The following TVP23C variants were observed in gnomAD, a reference collection of about 807,000 sequenced individuals.
TVP23C encodes the protein trans-golgi network vesicle protein 23 homolog C, also known as Golgi apparatus membrane protein TVP23 homolog C.
In TVP23C, 19 loss-of-function variants were observed where a neutral mutation model predicts 28.7. The ratio of observed to expected loss-of-function variants is 0.66; its 90% CI spans 0.46 to 0.97. The LOEUF is 0.97. Among genes scored for constraint, TVP23C ranks in the 50% least tolerant of loss-of-function variants. The pLI, the probability that TVP23C is intolerant of heterozygous loss-of-function variation, is 0.00. For missense variants in TVP23C, 186 were observed against 241.3 expected (o/e 0.77, Z 1.52); for synonymous variants, 68 against 81.7 (o/e 0.83, Z 0.90).
chr17:15,523,413 C>T lies in TVP23C; in HGVS notation c.463-20181G>A, dbSNP rs574106940. Reference sequence around the variant, plus strand: ...GCAACCTCTGCCTCCCAGGTTCAAGCGATTCTCCCGCCTCAGCCTCCCAAG... The same window carrying T: ...GCAACCTCTGCCTCCCAGGTTCAAGTGATTCTCCCGCCTCAGCCTCCCAAG... On this transcript the variant is annotated intron_variant, in intron 5 of 5. Transcript: ENST00000225576. 1.4e-3 allele frequency among the ~76,000 whole-genome samples: 219 copies of T among 151,850 alleles called. 2 individuals are homozygous for T. Among genetic ancestry groups the T allele is most frequent in the African/African-American group, 4.9e-3 (202 of 41,390 alleles).
At chr17:15,505,404 CT>C (rs1340361098) in intron 5 of TVP23C, among the ~76,000 whole-genome samples, 1 of 152,202 alleles carries the variant, frequency 6.6e-6, no homozygotes, top group Non-Finnish European at 1.5e-5. Context: ...AGCACAGATT[CT>C]AGATCGAGAC....
chr17:15,534,683 C>T (rs968829518), downstream of TVP23C, among the ~76,000 whole-genome samples: 4 of 151,418 alleles, frequency 2.6e-5, no homozygotes, highest in Non-Finnish European at 4.4e-5. Flanking sequence ...TGTGATTTTA[C>T]TAGGGCCAGG....
chr17:15,539,556 T>C lies in TVP23C; in HGVS notation c.*856A>G, dbSNP rs1983316153. ...AGGCGGAGCTTGCAGTAAGCCGAGA[T>C]CACGCCACTGCACTCCAGCCTGGGC... On this transcript the variant is annotated 3_prime_UTR_variant, in exon 6 of 6. Coordinates refer to ENST00000518321, the MANE Select transcript of TVP23C (RefSeq NM_001135036.2). The C allele has an allele frequency of 6.2e-6, 5 of 809,486 alleles. No homozygotes were observed. In the Admixed American group the frequency reaches 3.3e-4, roughly 54 times the overall value. 50.1% of individuals were successfully genotyped at this position (809,486 alleles called of 1,614,324 possible).
At chr17:15,521,754 T>C (rs1982490259) in intron 5 of TVP23C, among the ~76,000 whole-genome samples, 1 of 152,262 alleles carries the variant, frequency 6.6e-6, no homozygotes. Context: ...GCAATTTTGC[T>C]GTGCAGCAAA....
At chr17:15,552,452 C>T (rs987016787) in intron 3 of TVP23C, among the ~76,000 whole-genome samples, 25 of 152,132 alleles carry the variant, frequency 1.6e-4, no homozygotes, top group African/African-American at 5.1e-4. Context: ...GAGGCTGAGG[C>T]GGGCAGATCA....
At chr17:15,522,442 C>G (rs1242134827) in intron 5 of TVP23C, among the ~76,000 whole-genome samples, 1 of 152,000 alleles carries the variant, frequency 6.6e-6, no homozygotes, top group African/African-American at 2.4e-5. Flanking sequence ...CTATTCACAC[C>G]AGGAACTTGG....
rs191370194 is a variant in TVP23C at position 15,559,583 on chromosome 17, G to A, written c.12+3854C>T. Among the ~76,000 whole-genome samples, 356 of 148,860 alleles carry A rather than the reference G, an allele frequency of 2.4e-3. 29 individuals are homozygous for A. The highest frequency in any genetic ancestry group is 0.017 in the Middle Eastern group (5 of 286). ...GGCTACTGTAGTAAAAATCTGGAGG[G>A]GGAGGGGAGAAGAAGGAGGGACAAA... On this transcript the variant is annotated intron_variant, in intron 1 of 5. Coordinates refer to ENST00000518321, the MANE Select transcript of TVP23C (RefSeq NM_001135036.2).
chr17:15,557,348 T>C (rs1432623602), intron 1 of TVP23C, among the ~76,000 whole-genome samples: 1 of 140,892 alleles, frequency 7.1e-6, no homozygotes, highest in African/African-American at 2.5e-5. Context: ...TGGAGTACAG[T>C]GGTATGGTCT....
At position 15,540,684 on chromosome 17, in the gene TVP23C, T is replaced by C. The variant is rs1376916875; in HGVS notation, c.463-123A>G. 106 of 613,588 alleles carry C rather than the reference T, an allele frequency of 1.7e-4. No individual in the cohort carries two copies. The East Asian group carries it at 2.9e-3, about 17-fold the overall frequency. The allele number at this position is 613,588 out of a possible 1,614,324, so 38.0% of individuals were successfully genotyped here. Reference sequence around the variant, plus strand: ...AGGAAGAGGAAGCTCTGCAAAGCCATGATTGTGCCAGTTGAGATTTTCCAG... The same window carrying C: ...AGGAAGAGGAAGCTCTGCAAAGCCACGATTGTGCCAGTTGAGATTTTCCAG... On this transcript the variant is annotated intron_variant, in intron 5 of 5. Coordinates refer to ENST00000518321, the MANE Select transcript of TVP23C (RefSeq NM_001135036.2).
rs774961225 is a variant in TVP23C, at chr17:15,503,159, T to C, written c.536A>G (p.Gln179Arg). The C allele has an allele frequency of 3.8e-6, 6 of 1,597,746 alleles. No homozygotes were observed. The East Asian group carries it at 1.4e-4, about 36-fold the overall frequency. ...GCTCACGCCTGTTATCCCAGCGCTT[T>C]GGAAGGCGGAAGCGGGAGGATCTCT... Residue 179 changes from glutamine to arginine, a missense_variant, in exon 6 of 6, where the codon CAA (glutamine) becomes CGA (arginine). Coordinates refer to the TVP23C transcript ENST00000225576.
chr17:15,551,204 G>A (rs1165828131), intron 3 of TVP23C, among the ~76,000 whole-genome samples: 1 of 150,374 alleles, frequency 6.7e-6, no homozygotes, highest in East Asian at 2.0e-4. Flanking sequence ...GCCAAGCTCC[G>A]CCTCCTGCCT....
chr17:15,510,031 G>A (rs1033460122), intron 5 of TVP23C, among the ~76,000 whole-genome samples: 2 of 152,248 alleles, frequency 1.3e-5, no homozygotes, highest in Non-Finnish European at 2.9e-5. Flanking sequence ...TGATTTCGGA[G>A]ACGTTGACTT....
At chr17:15,503,362 G>A (rs559925481) in intron 5 of TVP23C, 4 of 1,137,202 alleles carry the variant, frequency 3.5e-6, no homozygotes, top group East Asian at 5.3e-5. Flanking sequence ...CTGTGACCAC[G>A]CCACTGCACT....
intron 3 of TVP23C, 111 bp downstream of exon 3, chr17:15,553,574 C>T: frequency 7.4e-7 from 1 of 1,351,950 alleles, no homozygotes; most frequent in Non-Finnish European, 9.8e-7. Context: ...CACTTCAACA[C>T]AGATGAGGTT....
chr17:15,510,796 T>C (rs1426817718), intron 5 of TVP23C, among the ~76,000 whole-genome samples: 2 of 152,140 alleles, frequency 1.3e-5, no homozygotes, highest in Non-Finnish European at 2.9e-5. Flanking sequence ...CAGTGGCTCA[T>C]GCCTGTAATC....
chr17:15,515,360 A>C (rs746993198), intron 5 of TVP23C, among the ~76,000 whole-genome samples: 20 of 152,146 alleles, frequency 1.3e-4, no homozygotes, highest in Admixed American at 7.9e-4. Flanking sequence ...ATCCTCATGT[A>C]AGCGTCTGCT....
chr17:15,541,179 A>G (rs987135129), intron 5 of TVP23C, among the ~76,000 whole-genome samples: 1 of 152,218 alleles, frequency 6.6e-6, no homozygotes, highest in Admixed American at 6.5e-5. Context: ...TCCCACTAGG[A>G]TCAATGAGAA....
chr17:15,514,157 A>G (rs934721868), intron 5 of TVP23C, among the ~76,000 whole-genome samples: 2 of 152,250 alleles, frequency 1.3e-5, no homozygotes, highest in Non-Finnish European at 2.9e-5. Context: ...ATCCGGCAGC[A>G]AACATACTTT....
At chr17:15,515,296 TCCC>T (rs1474265730) in intron 5 of TVP23C, among the ~76,000 whole-genome samples, 1 of 152,068 alleles carries the variant, frequency 6.6e-6, no homozygotes, top group Non-Finnish European at 1.5e-5. Flanking sequence ...TACCTGATGC[TCCC>T]CCAACTCAAC....
Sources: allele counts gnomAD v4.1 joint callset (sites outside exome capture counted in the v4.1 genomes callset), GRCh38; gene constraint gnomAD v4.1.1; transcripts MANE v1.5; gene names NCBI Gene and HGNC (gene_info 2026-07-23, HGNC 2026-07-21).